C2orf76: variants seen among roughly 807,000 people sequenced by gnomAD.
C2orf76 encodes chromosome 2 open reading frame 76.
Under a neutral mutation model 16.9 loss-of-function variants are expected in C2orf76, and 23 were observed. The observed-to-expected ratio is 1.36, with a 90% CI of 0.98 to 1.93. The LOEUF is 1.93. Ranked by LOEUF, C2orf76 falls within the 30% of genes most tolerant of loss-of-function variation. The pLI, the probability that C2orf76 is intolerant of heterozygous loss-of-function variation, is 0.00. For synonymous variants in C2orf76, 48 were observed against 52.3 expected (o/e 0.92, Z 0.35); for missense variants, 152 against 152.6 (o/e 1.00, Z 0.02).
the C2orf76 span, among the ~76,000 whole-genome samples, chr2:119,281,754 C>A: frequency 1.3e-5 from 2 of 151,974 alleles, no homozygotes; most frequent in Non-Finnish European, 2.9e-5. Context: ...TTTTTACCTG[C>A]TAAAATGCTT....
the C2orf76 span, among the ~76,000 whole-genome samples, chr2:119,294,463 AACT>A: frequency 1.3e-5 from 2 of 152,044 alleles, no homozygotes; most frequent in Non-Finnish European, 2.9e-5. Flanking sequence ...TGGGGTGCAG[AACT>A]TGATGGTGTG....
chr2:119,364,238 TAATA>T (rs1206964636), intron 1 of C2orf76, among the ~76,000 whole-genome samples: 1 of 151,984 alleles, frequency 6.6e-6, no homozygotes, highest in Non-Finnish European at 1.5e-5. Context: ...TATAAATAAA[TAATA>T]AATAAAAAGT....
At chr2:119,340,471 CGTCTTTCACATTACTAA>C (rs1679990168) in intron 1 of C2orf76, 1 of 152,886 alleles carries the variant, frequency 6.5e-6, no homozygotes, top group East Asian at 1.9e-4. Flanking sequence ...ATGGTGTTAC[CGTCTTTCACATTACTAA>C]AGCTGAGTAT....
At chr2:119,335,526 A>C (rs944464000) in intron 2 of C2orf76, among the ~76,000 whole-genome samples, 1 of 152,228 alleles carries the variant, frequency 6.6e-6, no homozygotes. Flanking sequence ...AACCTAGCAA[A>C]ATCTGAGCAA....
chr2:119,357,273 C>T (rs956385135), intron 1 of C2orf76, among the ~76,000 whole-genome samples: 1 of 151,864 alleles, frequency 6.6e-6, no homozygotes, highest in Admixed American at 6.6e-5. Context: ...AACAACAGAC[C>T]AATATCCCTT....
At chr2:119,286,224 C>CAAAAAA in the C2orf76 span, among the ~76,000 whole-genome samples, 6 of 60,350 alleles carry the variant, frequency 9.9e-5, no homozygotes, top group South Asian at 5.6e-4. Flanking sequence ...GACTCCATCT[C>CAAAAAA]AAAAAAAAAA....
downstream of C2orf76, among the ~76,000 whole-genome samples, chr2:119,297,884 C>T (rs779710177): frequency 2.0e-5 from 3 of 152,126 alleles, no homozygotes; most frequent in African/African-American, 7.2e-5. Flanking sequence ...AAAAAATAAC[C>T]TAGATGGAAA....
rs550380330 is a variant in C2orf76 at position 119,324,932 on chromosome 2, G to C, written c.134-3728C>G. On this transcript the variant is annotated intron_variant, in intron 2 of 5. Coordinates refer to ENST00000334816, the MANE Select transcript of C2orf76 (RefSeq NM_001322331.2). Reference sequence around the variant, plus strand: ...TTAATCTTGCGCTATTACAAATAAAGCTGGGAACATTCACATGGAGGAAAT... The same window carrying C: ...TTAATCTTGCGCTATTACAAATAAACCTGGGAACATTCACATGGAGGAAAT... 3.9e-5 allele frequency among the ~76,000 whole-genome samples: 6 copies of C among 152,256 alleles called. 1 individual carries two copies. The South Asian group carries it at 1.2e-3, about 32-fold the overall frequency.
rs1161359350 is a variant in C2orf76 at position 119,311,833 on chromosome 2, TA to T, written c.223-131del. On this transcript the variant is annotated intron_variant, in intron 4 of 5. Coordinates refer to ENST00000334816, the MANE Select transcript of C2orf76 (RefSeq NM_001322331.2). ...TAAGTAGATTCCACTGCCCTGGCCG[TA>T]ATGAGGGCAGTGAACAGAGGCACAG... is the stretch of plus-strand genomic sequence containing the variant. 9 of 831,920 alleles carry T rather than the reference TA, an allele frequency of 1.1e-5. No homozygotes were observed. The African/African-American group carries it at 1.5e-4, about 14-fold the overall frequency. 51.5% of individuals were successfully genotyped at this position (831,920 alleles called of 1,614,324 possible).
chr2:119,306,578 C>A (rs188515518), intron 5 of C2orf76, among the ~76,000 whole-genome samples: 2 of 151,310 alleles, frequency 1.3e-5, no homozygotes, highest in East Asian at 3.9e-4. Context: ...ATTCGAAAGA[C>A]AACAGTAGTA....
In C2orf76 at chr2:119,336,872, C is replaced by T. The variant is rs76004514; in HGVS notation, c.133+2955G>A. 4.0e-3 allele frequency among the ~76,000 whole-genome samples: 609 copies of T among 152,066 alleles called. 6 individuals carry two copies. Among genetic ancestry groups the T allele is most frequent in the Middle Eastern group, 0.014 (4 of 294 alleles). ...ACTAAATTCAAAGACCCTTTTGACA[C>T]GGAGTCCATCCATTTATTTCAGAGA... On this transcript the variant is annotated intron_variant, in intron 2 of 5. Coordinates refer to ENST00000334816, the MANE Select transcript of C2orf76 (RefSeq NM_001322331.2).
the C2orf76 span, among the ~76,000 whole-genome samples, chr2:119,285,806 A>G: frequency 5.9e-5 from 9 of 152,224 alleles, no homozygotes; most frequent in Non-Finnish European, 1.2e-4. Flanking sequence ...GAATCCATTC[A>G]TTCATGCAGA....
downstream of C2orf76, among the ~76,000 whole-genome samples, chr2:119,300,542 G>A (rs897360015): frequency 6.6e-6 from 1 of 152,044 alleles, no homozygotes; most frequent in Admixed American, 6.6e-5. Flanking sequence ...TCTGTTCCAT[G>A]TACTTTACAC....
At chr2:119,323,580 C>T (rs891910437) in intron 2 of C2orf76, among the ~76,000 whole-genome samples, 4 of 151,942 alleles carry the variant, frequency 2.6e-5, no homozygotes, top group Non-Finnish European at 5.9e-5. Flanking sequence ...CAGCCTGGCA[C>T]GAGTGGATCT....
At chr2:119,320,955 T>C (rs539331153) in intron 3 of C2orf76, among the ~76,000 whole-genome samples, 199 bp downstream of exon 3, 28 of 152,316 alleles carry the variant, frequency 1.8e-4, no homozygotes, top group Admixed American at 3.9e-4. Context: ...TTGGCAAACA[T>C]GCTACTCTTT....
At chr2:119,325,320 C>T (rs1161424814) in intron 2 of C2orf76, among the ~76,000 whole-genome samples, 2 of 151,820 alleles carry the variant, frequency 1.3e-5, no homozygotes, top group Non-Finnish European at 2.9e-5. Context: ...ATTAGCCAGG[C>T]GTGGTGGCGG....
chr2:119,350,481 T>C (rs1031881390), intron 1 of C2orf76, among the ~76,000 whole-genome samples: 8 of 152,154 alleles, frequency 5.3e-5, no homozygotes, highest in African/African-American at 9.7e-5. Flanking sequence ...GAAAAGCCCA[T>C]ATGCAAAGCA....
chr2:119,361,714 T>C (rs1680749795), intron 1 of C2orf76, among the ~76,000 whole-genome samples: 1 of 152,092 alleles, frequency 6.6e-6, no homozygotes, highest in South Asian at 2.1e-4. Context: ...GACAACCATG[T>C]AGGAAAAAAC....
rs191516641 is a variant in C2orf76, at chr2:119,354,350, G to A, written c.-13+12440C>T. Among the ~76,000 whole-genome samples the A allele has an allele frequency of 9.6e-4, 146 of 152,154 alleles. 1 individual carries two copies. The highest frequency in any genetic ancestry group is 2.1e-3 in the Admixed American group (32 of 15,292). On this transcript the variant is annotated intron_variant, in intron 1 of 5. Coordinates refer to ENST00000334816, the MANE Select transcript of C2orf76 (RefSeq NM_001322331.2). ...AGCCTGGCCAACATGGTGAAACCCC[G>A]TCTCTACTAAAAATACAGAAAAATA...
Sources: allele counts gnomAD v4.1 joint callset (sites outside exome capture counted in the v4.1 genomes callset), GRCh38; gene constraint gnomAD v4.1.1; transcripts MANE v1.5; gene names NCBI Gene and HGNC (gene_info 2026-07-23, HGNC 2026-07-21).